The following NAV3 variants were observed in gnomAD, a reference collection of about 807,000 sequenced individuals.
NAV3 encodes the protein pore membrane and/or filament interacting like protein 1.
Under a neutral mutation model 244.7 loss-of-function variants are expected in NAV3, and 87 were observed. The observed-to-expected ratio is 0.36, with a 90% confidence interval of 0.30 to 0.42. NAV3 has a LOEUF of 0.42. Ranked by LOEUF, NAV3 falls within the 20% of genes least tolerant of loss-of-function variation. The pLI is 1.00. For missense variants in NAV3, 2,663 were observed against 2,893.3 expected (o/e 0.92, Z 1.83); for synonymous variants, 1,126 against 1,042.2 (o/e 1.08, Z -1.55).
rs1565800434 is a variant in NAV3 at position 77,755,611 on chromosome 12, C to CCTTCCTTCCT, written c.72+183345_72+183346insCTTCCTTCCT. Reference sequence around the variant, plus strand: ...CCTCCCTCCCTCCCTCCCTCCCTCCCTCCTTCCTTCCTTCCTTCCTTCCTT... The same window carrying CCTTCCTTCCT: ...CCTCCCTCCCTCCCTCCCTCCCTCCCCTTCCTTCCTTCCTTCCTTCCTTCCTTCCTTCCTT... On this transcript the variant is annotated intron_variant, in intron 2 of 8. Transcript: ENST00000550042. Among the ~76,000 whole-genome samples, 28 of 38,244 alleles carry CCTTCCTTCCT rather than the reference C, an allele frequency of 7.3e-4. 2 individuals carry two copies. Among genetic ancestry groups the CCTTCCTTCCT allele is most frequent in the Non-Finnish European group, 1.2e-3 (24 of 20,220 alleles). The allele number at this position is 38,244 out of a possible 152,430, so 25.1% of individuals were successfully genotyped here.
chr12:77,912,728 T>G (rs112686089), intron 1 of NAV3, among the ~76,000 whole-genome samples: 1 of 147,230 alleles, frequency 6.8e-6, no homozygotes, highest in African/African-American at 2.5e-5. Flanking sequence ...CCTCCCGGGT[T>G]CAAGCATTTC....
At chr12:78,107,271 C>T (rs1037375389) in intron 12 of NAV3, among the ~76,000 whole-genome samples, 35 of 151,964 alleles carry the variant, frequency 2.3e-4, no homozygotes, top group African/African-American at 5.1e-4. Flanking sequence ...ACCAAATATA[C>T]GAATTATAGA....
At chr12:77,920,650 G>T (rs531629759) in intron 1 of NAV3, among the ~76,000 whole-genome samples, 3 of 151,916 alleles carry the variant, frequency 2.0e-5, no homozygotes, top group Non-Finnish European at 4.4e-5. Flanking sequence ...TTTACTTTTA[G>T]GTACAATACT....
chr12:77,985,247 A>T (rs192943900), intron 5 of NAV3, among the ~76,000 whole-genome samples: 1 of 152,218 alleles, frequency 6.6e-6, no homozygotes, highest in African/African-American at 2.4e-5. Flanking sequence ...GTGCCAGTAC[A>T]TCGGAGGTGG....
chr12:78,106,691 G>C (rs1954820492), intron 12 of NAV3, among the ~76,000 whole-genome samples: 1 of 152,132 alleles, frequency 6.6e-6, no homozygotes, highest in Non-Finnish European at 1.5e-5. Flanking sequence ...AGAAGCCAGA[G>C]AAACTCCTCA....
intron 12 of NAV3, among the ~76,000 whole-genome samples, chr12:78,108,713 G>A (rs1566143006): frequency 6.6e-6 from 1 of 151,884 alleles, no homozygotes; most frequent in African/African-American, 2.4e-5. Context: ...TTGATCACTG[G>A]GACAATAAGG....
At chr12:77,971,414 T>C (rs1892987932) in intron 5 of NAV3, among the ~76,000 whole-genome samples, 2 of 152,090 alleles carry the variant, frequency 1.3e-5, no homozygotes, top group Non-Finnish European at 2.9e-5. Context: ...GTCTTACTTT[T>C]AGAGAATTTT....
intron 2 of NAV3, among the ~76,000 whole-genome samples, chr12:77,619,968 G>A (rs1871302258): frequency 6.6e-6 from 1 of 152,114 alleles, no homozygotes; most frequent in African/African-American, 2.4e-5. Context: ...TAAAGGATAT[G>A]AAAGGTAGAT....
At chr12:77,830,073 A>G (rs1422395203), upstream of NAV3, among the ~76,000 whole-genome samples, 1 of 152,154 alleles carries the variant, frequency 6.6e-6, no homozygotes, top group Non-Finnish European at 1.5e-5. Context: ...GGTACATTAG[A>G]TGTTTTCTTA....
intron 3 of NAV3, among the ~76,000 whole-genome samples, chr12:77,945,089 T>C (rs1372058152): frequency 2.6e-5 from 4 of 151,176 alleles, no homozygotes; most frequent in Non-Finnish European, 5.9e-5. Context: ...TGAATAATTT[T>C]TCTAAGAGTG....
intron 2 of NAV3, among the ~76,000 whole-genome samples, chr12:77,699,392 A>G (rs1355430686): frequency 2.6e-5 from 4 of 152,164 alleles, no homozygotes; most frequent in Non-Finnish European, 5.9e-5. Context: ...AATTGCTGCA[A>G]AACAAACCAC....
intron 2 of NAV3, among the ~76,000 whole-genome samples, chr12:77,711,348 A>G (rs911882405): frequency 6.6e-5 from 10 of 152,212 alleles, no homozygotes; most frequent in African/African-American, 2.4e-4. Context: ...CTGTCTGTGC[A>G]TCTCTAGTCC....
chr12:77,689,504 G>T (rs577076963), intron 2 of NAV3, among the ~76,000 whole-genome samples: 5 of 152,026 alleles, frequency 3.3e-5, no homozygotes, highest in African/African-American at 9.6e-5. Context: ...GGATGTTTCA[G>T]GAAGGTGTGT....
At chr12:78,051,602 A>G (rs1427731627) in intron 11 of NAV3, among the ~76,000 whole-genome samples, 1 of 152,110 alleles carries the variant, frequency 6.6e-6, no homozygotes. Context: ...GGGAAAAATC[A>G]CTTTGGAGTT....
chr12:77,708,341 C>A (rs1460723199), intron 2 of NAV3, among the ~76,000 whole-genome samples: 1 of 152,094 alleles, frequency 6.6e-6, no homozygotes, highest in Non-Finnish European at 1.5e-5. Context: ...TTGTTTTTGT[C>A]AGGTTTGTCA....
chr12:77,658,689 C>T (rs1437281745), intron 2 of NAV3, among the ~76,000 whole-genome samples: 5 of 152,016 alleles, frequency 3.3e-5, no homozygotes, highest in Non-Finnish European at 5.9e-5. Context: ...GGAGGCATCA[C>T]GCTACCTGAC....
intron 2 of NAV3, among the ~76,000 whole-genome samples, chr12:77,739,490 A>T (rs1343341124): frequency 6.6e-6 from 1 of 152,172 alleles, no homozygotes; most frequent in Non-Finnish European, 1.5e-5. Context: ...ATCTGATGCC[A>T]CATTTAATAA....
chr12:78,134,772 A>T (rs972857671), intron 18 of NAV3, among the ~76,000 whole-genome samples: 1 of 152,128 alleles, frequency 6.6e-6, no homozygotes, highest in South Asian at 2.1e-4. Context: ...AGTATTTAAT[A>T]ATATCATAAA....
At chr12:78,175,896 G>C in intron 25 of NAV3, among the ~76,000 whole-genome samples, 1 of 134,068 alleles carries the variant, frequency 7.5e-6, no homozygotes, top group East Asian at 2.0e-4. Context: ...GATGATGATG[G>C]TGATGATGAT....
Sources: gnomAD v4.1 joint callset for allele counts (sites outside exome capture counted in the v4.1 genomes callset) on GRCh38, gnomAD v4.1.1 for gene constraint, MANE v1.5 for transcripts, NCBI Gene and HGNC (gene_info 2026-07-23, HGNC 2026-07-21) for gene names.